Variants in PCGF6 observed in about 807,000 individuals in gnomAD.
The protein encoded by PCGF6 is polycomb group RING finger protein 6.
In PCGF6, 24 loss-of-function variants were observed where a neutral mutation model predicts 45.5. That is an observed-to-expected ratio of 0.53 (90% CI 0.38 to 0.74). The LOEUF is 0.74. PCGF6 is among the 30% of genes least tolerant of loss of function. The pLI is 0.00. For missense variants in PCGF6, 356 were observed against 443.2 expected (o/e 0.80, Z 1.77); for synonymous variants, 152 against 162.1 (o/e 0.94, Z 0.47).
At chr10:103,310,969 T>C (rs2093155248) in intron 9 of PCGF6, among the ~76,000 whole-genome samples, 1 of 152,034 alleles carries the variant, frequency 6.6e-6, no homozygotes. Flanking sequence ...CCCAGGTAAC[T>C]GGGACCACAG....
At chr10:103,304,748 T>C (rs74398240) in intron 9 of PCGF6, among the ~76,000 whole-genome samples, 1 of 151,208 alleles carries the variant, frequency 6.6e-6, no homozygotes, top group Non-Finnish European at 1.5e-5. Flanking sequence ...CTTGACCACC[T>C]GGGCTCAAGC....
intron 6 of PCGF6, among the ~76,000 whole-genome samples, chr10:103,337,444 T>C (rs2093261115): frequency 6.6e-6 from 1 of 152,210 alleles, no homozygotes. Flanking sequence ...GTTGCTATTG[T>C]AACCTCCAGT....
At chr10:103,347,352 C>A in intron 4 of PCGF6, 43 bp downstream of exon 4, 1 of 1,589,214 alleles carries the variant, frequency 6.3e-7, no homozygotes, top group Non-Finnish European at 8.6e-7. Flanking sequence ...CTACTAGAGT[C>A]AGAGATTCTG....
intron 9 of PCGF6, among the ~76,000 whole-genome samples, chr10:103,313,541 G>A (rs2093164619): frequency 6.6e-6 from 1 of 151,952 alleles, no homozygotes; most frequent in Non-Finnish European, 1.5e-5. Flanking sequence ...CTCCAGCCTG[G>A]GCAACAGATC....
chr10:103,329,924 G>A (rs1311119484), intron 7 of PCGF6, among the ~76,000 whole-genome samples: 1 of 151,442 alleles, frequency 6.6e-6, no homozygotes, highest in Non-Finnish European at 1.5e-5. Flanking sequence ...GACTACAGGC[G>A]CCTGCCACCA....
chr10:103,338,760 T>C (rs1348595765), intron 6 of PCGF6, among the ~76,000 whole-genome samples: 1 of 151,434 alleles, frequency 6.6e-6, no homozygotes, highest in Non-Finnish European at 1.5e-5. Flanking sequence ...CCCAGCTACT[T>C]GGGAGGCTAA....
At chr10:103,344,822 G>A (rs992772755) in intron 6 of PCGF6, among the ~76,000 whole-genome samples, 4 of 151,502 alleles carry the variant, frequency 2.6e-5, no homozygotes, top group South Asian at 2.1e-4. Flanking sequence ...CACTCACCTC[G>A]GCCTCCCAAA....
At chr10:103,306,868 C>G (rs762985752) in intron 9 of PCGF6, among the ~76,000 whole-genome samples, 19 of 151,934 alleles carry the variant, frequency 1.3e-4, no homozygotes, top group Non-Finnish European at 2.6e-4. Context: ...CTTTGGGAGG[C>G]CAAGGCAGGT....
At chr10:103,347,153 C>A (rs2093302659) in intron 5 of PCGF6, 85 bp downstream of exon 5, 3 of 1,010,680 alleles carry the variant, frequency 3.0e-6, no homozygotes, top group Admixed American at 4.4e-5. Flanking sequence ...AATAAGCTAC[C>A]CCCAAAAGGA....
At chr10:103,334,168 A>C (rs1230709469) in intron 6 of PCGF6, among the ~76,000 whole-genome samples, 1 of 152,146 alleles carries the variant, frequency 6.6e-6, no homozygotes, top group East Asian at 1.9e-4. Context: ...TCTACTTTCT[A>C]TACTTAATTT....
intron 6 of PCGF6, among the ~76,000 whole-genome samples, chr10:103,339,808 AAAACACACACACACACACACACAC>A (rs2093272472): frequency 2.4e-4 from 19 of 78,026 alleles, no homozygotes; most frequent in African/African-American, 5.6e-4. Context: ...TCTCAAAAAA[AAAACACACACACACACACACACAC>A]ACACACACAC....
chr10:103,332,028 G>A (rs554435943), intron 7 of PCGF6, among the ~76,000 whole-genome samples: 15 of 152,028 alleles, frequency 9.9e-5, no homozygotes, highest in African/African-American at 3.6e-4. Context: ...TCCTGACCTC[G>A]TAATCTGCCC....
intron 9 of PCGF6, among the ~76,000 whole-genome samples, chr10:103,312,866 CAGG>C (rs2093162312): frequency 6.6e-6 from 1 of 152,130 alleles, no homozygotes; most frequent in Non-Finnish European, 1.5e-5. Context: ...GAGGCTGAGG[CAGG>C]AGAATGGCGT....
At chr10:103,321,629 A>G (rs919061701) in intron 8 of PCGF6, among the ~76,000 whole-genome samples, 6 of 151,906 alleles carry the variant, frequency 3.9e-5, no homozygotes, top group Non-Finnish European at 1.5e-5. Context: ...GGAGAATGGC[A>G]TGAACCCGGG....
At chr10:103,325,427 T>A (rs1212470970) in intron 8 of PCGF6, among the ~76,000 whole-genome samples, 1 of 152,064 alleles carries the variant, frequency 6.6e-6, no homozygotes, top group Non-Finnish European at 1.5e-5. Context: ...CTAATTTTTG[T>A]ATTTTTTAGT....
At chr10:103,329,923 C>A (rs931781953) in intron 7 of PCGF6, among the ~76,000 whole-genome samples, 1 of 151,788 alleles carries the variant, frequency 6.6e-6, no homozygotes, top group Non-Finnish European at 1.5e-5. Context: ...GGACTACAGG[C>A]GCCTGCCACC....
At chr10:103,319,666 C>A (rs1273579528) in intron 8 of PCGF6, among the ~76,000 whole-genome samples, 1 of 152,032 alleles carries the variant, frequency 6.6e-6, no homozygotes, top group Non-Finnish European at 1.5e-5. Flanking sequence ...TCTTTGTACT[C>A]CTAAGGTCAA....
At chr10:103,304,556 G>A (rs1790216255) in intron 9 of PCGF6, among the ~76,000 whole-genome samples, 1 of 151,988 alleles carries the variant, frequency 6.6e-6, no homozygotes, top group Non-Finnish European at 1.5e-5. Context: ...GGCCAGGCTG[G>A]TCTTGAACTC....
chr10:103,345,104 T>A lies in PCGF6; in HGVS notation c.702A>T (p.Lys234Asn). 6.2e-7 allele frequency: 1 copy of A among 1,612,918 alleles called. No individual in the cohort carries two copies. Among genetic ancestry groups the A allele is most frequent in the Non-Finnish European group, 8.5e-7 (1 of 1,179,294 alleles). ...PAVPQPVPSSKGRSKKVLESV... is the reference protein window; with the variant it reads ...PAVPQPVPSSNGRSKKVLESV... ...ATTCTAGGACTTTTTTAGATCTTCC[T>A]TTGCTTGAAGGGACTGGCTGTGGAA... The change falls in exon 6 of 10, where the codon AAA (lysine) becomes AAT (asparagine). Residue 234 changes from lysine to asparagine, a missense_variant. Transcript: ENST00000369847.
Sources: gnomAD v4.1 joint callset for allele counts (sites outside exome capture counted in the v4.1 genomes callset) on GRCh38, gnomAD v4.1.1 for gene constraint, MANE v1.5 for transcripts, NCBI Gene and HGNC (gene_info 2026-07-23, HGNC 2026-07-21) for gene names.